ERGIC1: variants seen among roughly 807,000 people sequenced by gnomAD.
ERGIC1 encodes the protein endoplasmic reticulum-Golgi intermediate compartment protein 1.
A neutral mutation model predicts 38.3 loss-of-function variants in ERGIC1; 19 were observed. The observed-to-expected ratio is 0.50, with a 90% CI of 0.35 to 0.73. The LOEUF is 0.73. ERGIC1 is among the 30% of genes least tolerant of loss of function. ERGIC1 has a pLI of 0.01. For synonymous variants in ERGIC1, 124 were observed against 157.6 expected, an observed-to-expected ratio of 0.79 and a Z score of 1.60; for missense variants, 294 against 389.2, an observed-to-expected ratio of 0.76 and a Z score of 2.06.
At chr5:172,869,568 C>G (rs1761953295) in intron 1 of ERGIC1, among the ~76,000 whole-genome samples, 1 of 152,200 alleles carries the variant, frequency 6.6e-6, no homozygotes, top group African/African-American at 2.4e-5. Context: ...ATGGCTTTGT[C>G]AGGGTTCAGA....
rs771899735 is a variant in ERGIC1, at chr5:172,900,160, G to A, written c.155+3086G>A. Among the ~76,000 whole-genome samples, 71 of 152,312 alleles carry A rather than the reference G, an allele frequency of 4.7e-4. No homozygotes were observed. The Middle Eastern group carries it at 0.01, about 22-fold the overall frequency. The stretch of plus-strand genomic sequence containing the variant: ...GGGCTGCCAACAAGTGAGTTTTGAC[G>A]TCACAGCTTGAGGCTCGAGCAGGTG... On this transcript the variant is annotated intron_variant, in intron 3 of 9. Coordinates refer to ENST00000393784, the MANE Select transcript of ERGIC1 (RefSeq NM_001031711.3).
intron 9 of ERGIC1, among the ~76,000 whole-genome samples, chr5:172,940,500 T>C (rs1324617450): frequency 6.6e-6 from 1 of 152,158 alleles, no homozygotes; most frequent in Non-Finnish European, 1.5e-5. Flanking sequence ...TGGGTTGTGG[T>C]GACAGACTGG....
At position 172,939,462 on chromosome 5, in the gene ERGIC1, A is replaced by G. The variant is rs532774502; in HGVS notation, c.765+4152A>G. ...ATGCCACCCCCTTTGGCAGGTGACAAACTCCCCAGTGAGCCGCTGACCTTC... is the reference window on the plus strand; with the variant it reads ...ATGCCACCCCCTTTGGCAGGTGACAGACTCCCCAGTGAGCCGCTGACCTTC... On this transcript the variant is annotated intron_variant, in intron 9 of 9. Coordinates refer to ENST00000393784, the MANE Select transcript of ERGIC1 (RefSeq NM_001031711.3). 2.6e-5 allele frequency among the ~76,000 whole-genome samples: 4 copies of G among 152,322 alleles called. No individual in the cohort carries two copies. The East Asian group carries it at 7.7e-4, about 29-fold the overall frequency.
chr5:172,864,911 G>A (rs112599062), intron 1 of ERGIC1, among the ~76,000 whole-genome samples: 2 of 152,114 alleles, frequency 1.3e-5, no homozygotes, highest in African/African-American at 2.4e-5. Context: ...TCCAGCCTGG[G>A]TCAGCCTGAC....
At chr5:172,900,642 C>T (rs1381997999) in intron 3 of ERGIC1, among the ~76,000 whole-genome samples, 3 of 151,758 alleles carry the variant, frequency 2.0e-5, no homozygotes. Context: ...CTCAAGAGAT[C>T]CAGGCTGCAG....
At chr5:172,915,241 G>A (rs1322932289) in intron 5 of ERGIC1, 1 of 597,326 alleles carries the variant, frequency 1.7e-6, no homozygotes, top group Non-Finnish European at 3.0e-6. Context: ...CAAAGTTTGT[G>A]TGGGGATTAA....
intron 9 of ERGIC1, among the ~76,000 whole-genome samples, chr5:172,938,879 T>C (rs1005449103): frequency 6.6e-6 from 1 of 151,384 alleles, no homozygotes; most frequent in African/African-American, 2.4e-5. Flanking sequence ...CTGACCAACA[T>C]TGTGAAACCC....
intron 1 of ERGIC1, among the ~76,000 whole-genome samples, chr5:172,871,930 C>T (rs941388342): frequency 6.6e-6 from 1 of 152,208 alleles, no homozygotes; most frequent in Non-Finnish European, 1.5e-5. Context: ...CAGCCAGGCC[C>T]ACAAGGAAAA....
chr5:172,931,576 C>T (rs1354650915), intron 7 of ERGIC1, among the ~76,000 whole-genome samples: 2 of 152,188 alleles, frequency 1.3e-5, no homozygotes, highest in Non-Finnish European at 2.9e-5. Flanking sequence ...GGTTGATAGG[C>T]TCTTTTCTTT....
rs1310346918 is a variant in ERGIC1 at position 172,914,719 on chromosome 5, G to T, written c.256G>T (p.Gly86Trp). The T allele has an allele frequency of 6.2e-7, 1 of 1,614,108 alleles. No individual in the cohort carries two copies. The highest frequency in any genetic ancestry group is 2.2e-5 in the East Asian group (1 of 44,888). ...TCTCCCTTTGGCTCCTGCAGTGGTTGGGCTTGACATTCAGGATGAGATGGG... is the reference window on the plus strand; with the variant it reads ...TCTCCCTTTGGCTCCTGCAGTGGTTTGGCTTGACATTCAGGATGAGATGGG... Reference protein sequence around the residue: ...SLPNLHCELVGLDIQDEMGRH... With the variant: ...SLPNLHCELVWLDIQDEMGRH... Residue 86 changes from glycine to tryptophan, a missense_variant, in exon 5 of 10, where the codon GGG (glycine) becomes TGG (tryptophan). Coordinates refer to ENST00000393784, the MANE Select transcript of ERGIC1 (RefSeq NM_001031711.3).
chr5:172,893,935 G>GTGTGTGTGTGTGTGTGTGTGTATA lies in ERGIC1; in HGVS notation c.83-3066_83-3065insGTGTGTGTGTGTGTGTGTGTATAT, dbSNP rs1429850022. ...TGTGTGTGTGTGTGTGTGTGTGTGTGTATATATATATATATATATTTAAAT... is the reference window on the plus strand; with the variant it reads ...TGTGTGTGTGTGTGTGTGTGTGTGTGTGTGTGTGTGTGTGTGTGTGTATATATATATATATATATATATTTAAAT... On this transcript the variant is annotated intron_variant, in intron 2 of 9. Transcript: ENST00000393784. Among the ~76,000 whole-genome samples the GTGTGTGTGTGTGTGTGTGTGTATA allele has an allele frequency of 2.8e-3, 120 of 42,768 alleles. 1 individual carries two copies. The highest frequency in any genetic ancestry group is 5.0e-3 in the East Asian group (5 of 1,006). 28.1% of individuals were successfully genotyped at this position (42,768 alleles called of 152,430 possible).
chr5:172,869,108 T>C lies in ERGIC1; in HGVS notation c.21-19591T>C, dbSNP rs376829290. Among the ~76,000 whole-genome samples, 13 of 152,234 alleles carry C rather than the reference T, an allele frequency of 8.5e-5. No homozygotes were observed. In the East Asian group the frequency reaches 2.3e-3, roughly 27 times the overall value. On this transcript the variant is annotated intron_variant, in intron 1 of 9. Coordinates refer to ENST00000393784, the MANE Select transcript of ERGIC1 (RefSeq NM_001031711.3). ...TGCGTGGGGAGCTGGAGGGAGGCAATGGTTGCTGTTGGGTGACTAGCAGAG... is the reference window on the plus strand; with the variant it reads ...TGCGTGGGGAGCTGGAGGGAGGCAACGGTTGCTGTTGGGTGACTAGCAGAG...
intron 1 of ERGIC1, among the ~76,000 whole-genome samples, chr5:172,864,453 G>T (rs921001219): frequency 7.9e-5 from 12 of 151,882 alleles, no homozygotes; most frequent in African/African-American, 2.7e-4. Flanking sequence ...ATTTTCAGTA[G>T]AGACGGGGTT....
intron 1 of ERGIC1, among the ~76,000 whole-genome samples, chr5:172,864,826 G>A (rs1262473589): frequency 1.3e-5 from 2 of 151,086 alleles, no homozygotes; most frequent in Non-Finnish European, 2.9e-5. Context: ...CACGTTTTGC[G>A]TATCAGGCCA....
intron 1 of ERGIC1, among the ~76,000 whole-genome samples, chr5:172,847,515 TTTG>T (rs1324688376): frequency 3.9e-4 from 59 of 152,160 alleles, no homozygotes; most frequent in African/African-American, 1.1e-3. Context: ...ATATATATTT[TTTG>T]TTGTTGTTGT....
In ERGIC1 at chr5:172,896,997, TC is replaced by T; in HGVS notation, c.83-3del. 3 of 1,614,046 alleles carry T rather than the reference TC, an allele frequency of 1.9e-6. No homozygotes were observed. Among genetic ancestry groups the T allele is most frequent in the Non-Finnish European group, 1.7e-6 (2 of 1,179,932 alleles). Reference sequence around the variant, plus strand: ...AACAGTTTGCATTTCTGTTGTTTCTTCCAGTCTCCATCTGCTGCTGCCTCTT... The same window carrying T: ...AACAGTTTGCATTTCTGTTGTTTCTTCAGTCTCCATCTGCTGCTGCCTCTT... On this transcript the variant is annotated splice_polypyrimidine_tract_variant and splice_region_variant and intron_variant, in intron 2 of 9. Transcript: ENST00000393784.
At chr5:172,857,402 GCGTTC>G (rs1019003138) in intron 1 of ERGIC1, among the ~76,000 whole-genome samples, 1 of 152,166 alleles carries the variant, frequency 6.6e-6, no homozygotes, top group African/African-American at 2.4e-5. Flanking sequence ...TTATAAATAT[GCGTTC>G]CTTCCTTGCA....
chr5:172,944,099 C>T (rs1764067911), intron 9 of ERGIC1, among the ~76,000 whole-genome samples: 1 of 152,220 alleles, frequency 6.6e-6, no homozygotes, highest in Non-Finnish European at 1.5e-5. Flanking sequence ...CTCAGACTCA[C>T]TGGGGCCCAG....
intron 1 of ERGIC1, among the ~76,000 whole-genome samples, chr5:172,858,469 A>G (rs2113084191): frequency 6.6e-6 from 1 of 152,322 alleles, no homozygotes; most frequent in East Asian, 1.9e-4. Context: ...GCATCTGCAC[A>G]CTAGGCCCTT....
Sources: gnomAD v4.1 joint callset for allele counts (sites outside exome capture counted in the v4.1 genomes callset) on GRCh38, gnomAD v4.1.1 for gene constraint, MANE v1.5 for transcripts, NCBI Gene and HGNC (gene_info 2026-07-23, HGNC 2026-07-21) for gene names.